The following RNF2 variants were observed in gnomAD, a reference collection of about 807,000 sequenced individuals.
The protein encoded by RNF2 is E3 ubiquitin-protein ligase RING2.
In RNF2, 6 loss-of-function variants were observed where a neutral mutation model predicts 37.2. That is an observed-to-expected ratio of 0.16 (90% CI 0.09 to 0.32). RNF2 has a LOEUF of 0.32. RNF2 is among the 10% of genes least tolerant of loss of function. RNF2 has a pLI of 1.00. For missense variants in RNF2, 251 were observed against 404.0 expected, an observed-to-expected ratio of 0.62 and a Z score of 3.25; for synonymous variants, 133 against 132.7, an observed-to-expected ratio of 1.00 and a Z score of -0.02.
chr1:185,069,243 A>G (rs1170122777), intron 1 of RNF2, among the ~76,000 whole-genome samples: 1 of 152,164 alleles, frequency 6.6e-6, no homozygotes, highest in Non-Finnish European at 1.5e-5. Context: ...GCTTAAGCCC[A>G]GGAGTTCGAA....
intron 2 of RNF2, among the ~76,000 whole-genome samples, chr1:185,088,624 G>A (rs901597517): frequency 6.6e-6 from 1 of 151,886 alleles, no homozygotes; most frequent in Non-Finnish European, 1.5e-5. Context: ...ACTAGTGACA[G>A]GCTTAATAAG....
chr1:185,051,363 C>G (rs1650267435), intron 1 of RNF2, among the ~76,000 whole-genome samples: 1 of 152,140 alleles, frequency 6.6e-6, no homozygotes, highest in Non-Finnish European at 1.5e-5. Flanking sequence ...TCTGGTTCCA[C>G]TACTAGCAAG....
chr1:185,048,630 T>C (rs1650181983), intron 1 of RNF2, among the ~76,000 whole-genome samples: 1 of 152,182 alleles, frequency 6.6e-6, no homozygotes, highest in African/African-American at 2.4e-5. Context: ...AGCATTTTGG[T>C]CATTTGTTTT....
rs909685525 is a variant in RNF2, at chr1:185,056,529, AT to A, written c.-3+10889del. Among the ~76,000 whole-genome samples, 9 of 132,744 alleles carry A rather than the reference AT, an allele frequency of 6.8e-5. 1 individual carries two copies. Among genetic ancestry groups the A allele is most frequent in the African/African-American group, 2.5e-4 (9 of 35,938 alleles). The allele number at this position is 132,744 out of a possible 152,430, so 87.1% of individuals were successfully genotyped here. A position where few individuals can be genotyped will look rare whatever the true frequency, so the allele number is the denominator to read the frequency against. ...GTCTACCATCACACCTGGCTCATTT[AT>A]TTTTTTTTATTTTTTATTTTTGTAG... is the stretch of plus-strand genomic sequence containing the variant. On this transcript the variant is annotated intron_variant, in intron 1 of 6. Coordinates refer to ENST00000367510, the MANE Select transcript of RNF2 (RefSeq NM_007212.4).
chr1:185,093,728 C>G (rs1651834377), intron 4 of RNF2, among the ~76,000 whole-genome samples: 1 of 152,196 alleles, frequency 6.6e-6, no homozygotes, highest in Admixed American at 6.5e-5. Flanking sequence ...ATTTTCTTCA[C>G]CTGGCTTTCA....
chr1:185,092,044 A>G (rs2102200494), intron 3 of RNF2: 1 of 219,958 alleles, frequency 4.5e-6, no homozygotes, highest in East Asian at 9.9e-5. Context: ...AGGTTTCAGC[A>G]TATTGAACTC....
intron 1 of RNF2, among the ~76,000 whole-genome samples, chr1:185,080,335 G>T (rs901705434): frequency 3.3e-5 from 5 of 152,202 alleles, no homozygotes; most frequent in Admixed American, 6.5e-5. Context: ...ACCACAGGCA[G>T]AAATGTAGCT....
intron 1 of RNF2, among the ~76,000 whole-genome samples, chr1:185,072,559 A>T (rs923449544): frequency 6.6e-6 from 1 of 152,014 alleles, no homozygotes; most frequent in African/African-American, 2.4e-5. Flanking sequence ...GGGGGGAAGA[A>T]ATCATTCCTT....
chr1:185,085,145 CTTTTTTTTTTTT>C (rs71555455), intron 1 of RNF2, among the ~76,000 whole-genome samples: 2 of 103,212 alleles, frequency 1.9e-5, no homozygotes, highest in Non-Finnish European at 3.7e-5. Flanking sequence ...CTTTCTTTTT[CTTTTTTTTTTTT>C]TTTTTTTTTG....
chr1:185,071,093 G>T (rs1040281917), intron 1 of RNF2, among the ~76,000 whole-genome samples: 2 of 152,096 alleles, frequency 1.3e-5, no homozygotes, highest in Non-Finnish European at 2.9e-5. Flanking sequence ...AAGGAGGGAG[G>T]GTAGGCAGTG....
At chr1:185,050,153 A>T (rs1342277333) in intron 1 of RNF2, among the ~76,000 whole-genome samples, 1 of 152,250 alleles carries the variant, frequency 6.6e-6, no homozygotes, top group African/African-American at 2.4e-5. Context: ...GTTGCCTTTC[A>T]AAAAGTATTT....
chr1:185,070,527 G>A (rs1482479127), intron 1 of RNF2, among the ~76,000 whole-genome samples: 1 of 152,074 alleles, frequency 6.6e-6, no homozygotes, highest in Non-Finnish European at 1.5e-5. Context: ...TGAGAGCCTT[G>A]GGATCTCAAA....
intron 5 of RNF2, among the ~76,000 whole-genome samples, chr1:185,098,876 C>T (rs1461566916): frequency 2.0e-5 from 3 of 151,712 alleles, no homozygotes; most frequent in Non-Finnish European, 4.4e-5. Context: ...CTCAGCCTCC[C>T]GAGTAGCTGG....
chr1:185,093,295 CAG>C lies in RNF2; in HGVS notation c.464+24_464+25del. 1 of 1,603,872 alleles carries C rather than the reference CAG, an allele frequency of 6.2e-7. No homozygotes were observed. The highest frequency in any genetic ancestry group is 8.5e-7 in the Non-Finnish European group (1 of 1,171,708). On this transcript the variant is annotated intron_variant, in intron 4 of 6. Coordinates refer to ENST00000367510, the MANE Select transcript of RNF2 (RefSeq NM_007212.4). The stretch of plus-strand genomic sequence containing the variant: ...TGAACAGGTATATGGGAAAGAGGGT[CAG>C]AGAGGGTAGCTGTTTTTCTGAATAC...
chr1:185,078,044 G>A (rs183554246), intron 1 of RNF2, among the ~76,000 whole-genome samples: 56 of 152,290 alleles, frequency 3.7e-4, no homozygotes, highest in Admixed American at 3.3e-4. Flanking sequence ...TTTGAGGTTC[G>A]AGACTAGCCC....
intron 2 of RNF2, 84 bp downstream of exon 2, chr1:185,087,724 A>G (rs1420517605): frequency 1.1e-6 from 1 of 942,906 alleles, no homozygotes; most frequent in Non-Finnish European, 1.7e-6. Context: ...TAAATAGAAC[A>G]TAGAGTAATA....
chr1:185,091,202 G>T (rs1309019479), intron 2 of RNF2, among the ~76,000 whole-genome samples: 1 of 152,070 alleles, frequency 6.6e-6, no homozygotes, highest in Admixed American at 6.5e-5. Context: ...CATTTTGCAG[G>T]TAAGAAGACA....
intron 2 of RNF2, among the ~76,000 whole-genome samples, chr1:185,090,758 C>T (rs1237581983): frequency 6.6e-6 from 1 of 152,184 alleles, no homozygotes; most frequent in Non-Finnish European, 1.5e-5. Context: ...GGCATTAGAG[C>T]TGAGTAATCT....
chr1:185,085,684 C>T (rs970971889), intron 1 of RNF2, among the ~76,000 whole-genome samples: 1 of 151,124 alleles, frequency 6.6e-6, no homozygotes, highest in African/African-American at 2.4e-5. Context: ...GACTAAGTGT[C>T]GCTCTGTCGC....
Sources: gnomAD v4.1 joint callset for allele counts (sites outside exome capture counted in the v4.1 genomes callset) on GRCh38, gnomAD v4.1.1 for gene constraint, MANE v1.5 for transcripts, NCBI Gene and HGNC (gene_info 2026-07-23, HGNC 2026-07-21) for gene names.